Variants in TTLL8 observed in about 807,000 individuals in gnomAD.
The protein encoded by TTLL8 is protein monoglycylase TTLL8.
A neutral mutation model predicts 77.8 loss-of-function variants in TTLL8; 65 were observed. That is an observed-to-expected ratio of 0.84 (90% confidence interval 0.68 to 1.03). TTLL8 has a LOEUF of 1.03. Ranked by LOEUF, TTLL8 falls within the 50% of genes least tolerant of loss-of-function variation. The pLI is 0.00. For synonymous variants in TTLL8, 402 were observed against 422.8 expected, an observed-to-expected ratio of 0.95 and a Z score of 0.60; for missense variants, 910 against 1,004.5, an observed-to-expected ratio of 0.91 and a Z score of 1.27.
chr22:50,036,192 C>T (rs900294363), intron 8 of TTLL8, among the ~76,000 whole-genome samples: 14 of 152,188 alleles, frequency 9.2e-5, no homozygotes, highest in Non-Finnish European at 1.9e-4. Flanking sequence ...CTGACGGGCC[C>T]GAAGCACCAG....
chr22:50,045,474 A>G (rs982438682), intron 5 of TTLL8, 85 bp from the exon 8 acceptor site: 7 of 1,201,296 alleles, frequency 5.8e-6, no homozygotes, highest in Admixed American at 2.0e-5. Flanking sequence ...AGGCTCCCCA[A>G]CCCGCCCCAC....
chr22:50,047,063 G>A, intron 4 of TTLL8, 105 bp downstream of exon 6: 1 of 1,268,260 alleles, frequency 7.9e-7, no homozygotes, highest in African/African-American at 1.5e-5. Flanking sequence ...CACCCAGGAG[G>A]TGACTGGTGG....
chr22:50,025,920 C>A (rs1279626789), intron 12 of TTLL8, among the ~76,000 whole-genome samples: 1 of 152,200 alleles, frequency 6.6e-6, no homozygotes, highest in African/African-American at 2.4e-5. Flanking sequence ...CCAGGACTCT[C>A]ACGTGGCAGG....
chr22:50,051,685 C>T (rs143123198), intron 1 of TTLL8, among the ~76,000 whole-genome samples: 4 of 152,266 alleles, frequency 2.6e-5, no homozygotes, highest in Non-Finnish European at 4.4e-5. Flanking sequence ...TCACCACTTC[C>T]ACGCGGACCT....
At chr22:50,046,087 C>T in intron 4 of TTLL8, 117 bp from the exon 7 acceptor site, 1 of 940,058 alleles carries the variant, frequency 1.1e-6, no homozygotes, top group South Asian at 1.5e-5. Flanking sequence ...CACCACACAG[C>T]ACCCCTAGGG....
intron 4 of TTLL8, 55 bp downstream of exon 6, chr22:50,047,113 G>A (rs1028621509): frequency 1.5e-6 from 2 of 1,355,280 alleles, no homozygotes; most frequent in Non-Finnish European, 2.0e-6. Flanking sequence ...GGCTGCAGAA[G>A]CTCCTCCCCA....
Position 50,041,760 on chromosome 22 carries a change from C to T in TTLL8, c.691G>A (p.Val231Met), listed in dbSNP as rs370653252. ...TGGCACACCTTGCACGCGATGTCCACAAGCTGCCCCGGGAGGCCCCTGAGC... is the reference window on the plus strand; with the variant it reads ...TGGCACACCTTGCACGCGATGTCCATAAGCTGCCCCGGGAGGCCCCTGAGC... The change falls in exon 7 of 14, where the codon GTG becomes ATG. Residue 231 changes from valine to methionine, a missense_variant. By Grantham distance (21) the Val-to-Met change is conservative. Coordinates refer to ENST00000266182, the Ensembl canonical transcript of TTLL8. The surrounding 1 kb of genome is among the most constrained non-coding windows in gnomAD (Gnocchi z 4.3). The T allele has an allele frequency of 2.7e-4, 370 of 1,364,720 alleles. No homozygotes were observed. The highest frequency in any genetic ancestry group is 3.4e-4 in the Non-Finnish European group (352 of 1,020,866). The allele number at this position is 1,364,720 out of a possible 1,614,324, so 84.5% of individuals were successfully genotyped here.
rs1481547821 is a variant in TTLL8 at position 50,034,132 on chromosome 22, C to T, written c.1039+213G>A. On this transcript the variant is annotated intron_variant, in intron 9 of 13. Transcript: ENST00000266182. The surrounding 1 kb of genome is among the most constrained non-coding windows in gnomAD (Gnocchi z 4.1). Reference sequence around the variant, plus strand: ...AGGAAATCCTGATTAACCCATCAACCCGGATCCTGCCCTGTGATCGGAACA... The same window carrying T: ...AGGAAATCCTGATTAACCCATCAACTCGGATCCTGCCCTGTGATCGGAACA... Among the ~76,000 whole-genome samples the T allele has an allele frequency of 6.6e-6, 1 of 152,242 alleles. No individual in the cohort carries two copies. Among genetic ancestry groups the T allele is most frequent in the African/African-American group, 2.4e-5 (1 of 41,458 alleles).
In TTLL8 at chr22:50,034,931, TC is replaced by T. The variant is rs1008189087; in HGVS notation, c.922-470del. Among the ~76,000 whole-genome samples the T allele has an allele frequency of 8.5e-5, 13 of 152,186 alleles. No homozygotes were observed. The highest frequency in any genetic ancestry group is 2.9e-4 in the African/African-American group (12 of 41,434). On this transcript the variant is annotated intron_variant, in intron 8 of 13. Transcript: ENST00000266182. This position sits in a 1 kb window ranked among gnomAD's most constrained non-coding sequence, Gnocchi z 4.1. ...GGAAAGTGGCCGGCCCGTGCAGGCC[TC>T]CTGTGTCCCGGCCAGCTGCCAGCAC...
At chr22:50,026,948 A>AT (rs2061233045) in intron 12 of TTLL8, among the ~76,000 whole-genome samples, 1 of 152,196 alleles carries the variant, frequency 6.6e-6, no homozygotes. Flanking sequence ...TTAAAAAAAA[A>AT]GTCGGCCAGG....
In TTLL8 at chr22:50,041,640, G is replaced by A. The variant is rs1284094334; in HGVS notation, c.811C>T (p.Gln271Ter). The change falls in exon 7 of 14, where the codon CAG (glutamine) becomes TAG (stop). Residue 271 changes from glutamine (Q) to a stop codon, truncating the protein, a stop_gained. Transcript: ENST00000266182. LOFTEE classifies it high-confidence loss of function. This position sits in a 1 kb window ranked among gnomAD's most constrained non-coding sequence, Gnocchi z 4.3. ...TCTTACTGAACGAGGGAGTAGTACT[G>A]CTGGGTCAGGTCCTCCCACTCGGCC... 7.3e-7 allele frequency: 1 copy of A among 1,365,452 alleles called. No homozygotes were observed. The highest frequency in any genetic ancestry group is 1.9e-5 in the Admixed American group (1 of 51,954). The allele number at this position is 1,365,452 out of a possible 1,614,324, so 84.6% of individuals were successfully genotyped here.
At chr22:50,018,830 G>A (rs1164294615) in intron 12 of TTLL8, among the ~76,000 whole-genome samples, 39 bp from the exon 14 acceptor site, 2 of 152,218 alleles carry the variant, frequency 1.3e-5, no homozygotes, top group African/African-American at 2.4e-5. Flanking sequence ...AAGCTCATCC[G>A]AACGTCCCAT....
intron 12 of TTLL8, among the ~76,000 whole-genome samples, chr22:50,023,094 C>T (rs1214495110): frequency 6.6e-6 from 1 of 152,184 alleles, no homozygotes; most frequent in Non-Finnish European, 1.5e-5. Context: ...GGGCATTTCG[C>T]ACATTTTAGC....
In TTLL8 at chr22:50,025,265, A is replaced by G. The variant is rs1960910321; in HGVS notation, c.2203+5165T>C. Reference sequence around the variant, plus strand: ...ACCCACAGAAATAAAAAAAAAAACAAATTAGCAAAAACTCCAAAAAAAAAA... The same window carrying G: ...ACCCACAGAAATAAAAAAAAAAACAGATTAGCAAAAACTCCAAAAAAAAAA... On this transcript the variant is annotated intron_variant, in intron 12 of 13. Transcript: ENST00000266182. 1.5e-5 allele frequency among the ~76,000 whole-genome samples: 2 copies of G among 134,472 alleles called. 1 individual carries two copies. The highest frequency in any genetic ancestry group is 5.6e-4 in the South Asian group (2 of 3,592). 88.2% of individuals were successfully genotyped at this position (134,472 alleles called of 152,430 possible).
In TTLL8 at chr22:50,044,484, C is replaced by G. The variant is rs974688949; in HGVS notation, c.643+771G>C. 1.3e-5 allele frequency among the ~76,000 whole-genome samples: 2 copies of G among 152,184 alleles called. No homozygotes were observed. Among genetic ancestry groups the G allele is most frequent in the African/African-American group, 4.8e-5 (2 of 41,448 alleles). On this transcript the variant is annotated intron_variant, in intron 6 of 13. Coordinates refer to ENST00000266182, the Ensembl canonical transcript of TTLL8. The surrounding 1 kb of genome is among the most constrained non-coding windows in gnomAD (Gnocchi z 4.2). ...AAGTTCTCACTCAGCACAAATGAAGCCACCGCTCCAGCGTTCACCAATCAG... is the reference window on the plus strand; with the variant it reads ...AAGTTCTCACTCAGCACAAATGAAGGCACCGCTCCAGCGTTCACCAATCAG...
chr22:50,033,501 A>C, intron 9 of TTLL8, 56 bp from the exon 11 acceptor site: 1 of 1,317,312 alleles, frequency 7.6e-7, no homozygotes, highest in Non-Finnish European at 1.0e-6. Context: ...GCGGGACCTG[A>C]GCTCCTGAGC....
At chr22:50,056,993 G>C, upstream of TTLL8, 3 of 1,288,134 alleles carry the variant, frequency 2.3e-6, no homozygotes, top group Non-Finnish European at 3.0e-6. The surrounding 1 kb of genome is among the most constrained non-coding windows in gnomAD (Gnocchi z 4.1). Context: ...AGGGTGTGGT[G>C]GTTACAGGAA....
upstream of TTLL8, among the ~76,000 whole-genome samples, chr22:50,055,760 G>A (rs1433198774): frequency 1.3e-5 from 2 of 152,056 alleles, no homozygotes; most frequent in African/African-American, 2.4e-5. Context: ...CAGTGATGGA[G>A]ACCAGAGCTG....
At chr22:50,022,643 C>T (rs1299792004) in intron 12 of TTLL8, among the ~76,000 whole-genome samples, 1 of 152,252 alleles carries the variant, frequency 6.6e-6, no homozygotes, top group Non-Finnish European at 1.5e-5. Context: ...GACGTGCACT[C>T]CTCCATCTGA....
Sources: allele counts gnomAD v4.1 joint callset (sites outside exome capture counted in the v4.1 genomes callset), GRCh38; gene constraint gnomAD v4.1.1; non-coding constraint Gnocchi (gnomAD v3.1); transcripts MANE v1.5; gene names NCBI Gene and HGNC (gene_info 2026-07-23, HGNC 2026-07-21).